NR3C1: variants seen among roughly 807,000 people sequenced by gnomAD.
The protein encoded by NR3C1 is glucocorticoid receptor.
A neutral mutation model predicts 74.0 loss-of-function variants in NR3C1; 14 were observed. The observed-to-expected ratio is 0.19, with a 90% CI of 0.12 to 0.30. The LOEUF is 0.30. NR3C1 is among the 10% of genes least tolerant of loss of function. The probability of loss-of-function intolerance (pLI) is 1.00; values close to 1 mark genes in which losing one functional copy is unlikely to be tolerated. For missense variants in NR3C1, 695 were observed against 909.8 expected, an observed-to-expected ratio of 0.76 and a Z score of 3.04; for synonymous variants, 308 against 332.5, an observed-to-expected ratio of 0.93 and a Z score of 0.80.
chr5:143,340,474 T>G (rs1232964363), intron 2 of NR3C1, among the ~76,000 whole-genome samples: 1 of 130,360 alleles, frequency 7.7e-6, no homozygotes, highest in East Asian at 2.4e-4. Context: ...TCTTTAAAGA[T>G]GATTTTTTTT....
chr5:143,404,607 C>A, upstream of NR3C1: 1 of 775,530 alleles, frequency 1.3e-6, no homozygotes, highest in Non-Finnish European at 1.6e-6. Context: ...CCCTCCCGCC[C>A]AATGTGCTCA....
chr5:143,382,924 G>A (rs529829108), intron 2 of NR3C1, among the ~76,000 whole-genome samples: 1 of 152,302 alleles, frequency 6.6e-6, no homozygotes, highest in South Asian at 2.1e-4. Context: ...AGGCTAGTTT[G>A]GGAAACAAGT....
chr5:143,317,592 C>G (rs1239176871), intron 2 of NR3C1, among the ~76,000 whole-genome samples: 1 of 152,044 alleles, frequency 6.6e-6, no homozygotes, highest in Non-Finnish European at 1.5e-5. Context: ...CCGAATAATT[C>G]CTGAGGCTGA....
At chr5:143,402,659 C>T (rs1600634594) in intron 1 of NR3C1, 3 of 985,416 alleles carry the variant, frequency 3.0e-6, no homozygotes, top group East Asian at 1.1e-4. Flanking sequence ...GCCCCGGCCG[C>T]AGTCTCCAAG....
rs10482637 is a variant in NR3C1, at chr5:143,357,700, T to C, written c.1184+41956A>G. Among the ~76,000 whole-genome samples the C allele has an allele frequency of 3.2e-3, 486 of 152,346 alleles. 3 individuals carry two copies. Among genetic ancestry groups the C allele is most frequent in the African/African-American group, 0.011 (451 of 41,584 alleles). On this transcript the variant is annotated intron_variant, in intron 2 of 8. Transcript: ENST00000394464. ...GTTGTGCAAGGTAGTATCTCCAAAA[T>C]AGAATTTCTAACACTCAATAAAAAA...
chr5:143,330,103 TTACTGTGGTTC>T (rs1233384830), intron 2 of NR3C1, among the ~76,000 whole-genome samples: 1 of 152,220 alleles, frequency 6.6e-6, no homozygotes, highest in Non-Finnish European at 1.5e-5. Flanking sequence ...TAAGTATAGG[TTACTGTGGTTC>T]ATTTTAGAAC....
At chr5:143,293,731 G>T in intron 7 of NR3C1, 1 of 351,368 alleles carries the variant, frequency 2.8e-6, no homozygotes, top group Non-Finnish European at 4.0e-6. Flanking sequence ...CATAGTAGAA[G>T]TCTATATCTT....
intron 2 of NR3C1, among the ~76,000 whole-genome samples, chr5:143,376,246 G>A (rs1293504206): frequency 6.6e-6 from 1 of 152,234 alleles, no homozygotes; most frequent in Non-Finnish European, 1.5e-5. Flanking sequence ...AAGGAGACTG[G>A]ACCATAGCTT....
intron 2 of NR3C1, among the ~76,000 whole-genome samples, chr5:143,350,542 T>C (rs1256948154): frequency 6.6e-6 from 1 of 152,100 alleles, no homozygotes; most frequent in African/African-American, 2.4e-5. Context: ...TCTGGACATG[T>C]TGTGTTTGAG....
Position 143,399,725 on chromosome 5 carries a change from T to C in NR3C1, c.1115A>G (p.Asp372Gly), listed in dbSNP as rs1012467641. 4.3e-6 allele frequency: 7 copies of C among 1,614,052 alleles called. No homozygotes were observed. The African/African-American group carries it at 9.3e-5, about 22-fold the overall frequency. Residue 372 changes from aspartate to glycine, a missense_variant, in exon 2 of 9, where the codon GAT (aspartate) becomes GGT (glycine). This residue lies in a region of NR3C1 where 497 missense variants were observed against 489.5 expected (regional missense o/e 1.02). Transcript: ENST00000394464. ...ENWNRCQGSGDDNLTSLGTLN... is the reference protein window; with the variant it reads ...ENWNRCQGSGGDNLTSLGTLN... Reference sequence around the variant, plus strand: ...AGTCCCCAGAGAAGTCAAGTTGTCATCTCCAGATCCTTGGCACCTATTCCA... The same window carrying C: ...AGTCCCCAGAGAAGTCAAGTTGTCACCTCCAGATCCTTGGCACCTATTCCA...
Position 143,400,619 on chromosome 5 carries a change from T to C in NR3C1, c.221A>G (p.Gln74Arg), listed in dbSNP as rs764541357. ...DFPKGSVSNA[Q>R]QPDLSKAVSL... is the part of the protein sequence containing the mutation. The stretch of plus-strand genomic sequence containing the variant: ...AACTGCTTTGGACAGATCTGGCTGC[T>C]GCGCATTGCTTACTGAGCCTTTTGG... The change falls in exon 2 of 9, where the codon CAG (glutamine) becomes CGG (arginine). Residue 74 changes from glutamine to arginine, a missense_variant. Gln to Arg is a conservative substitution (Grantham distance 43). Coordinates refer to ENST00000394464, the MANE Select transcript of NR3C1 (RefSeq NM_000176.3). 6.2e-6 allele frequency: 10 copies of C among 1,614,246 alleles called. No individual in the cohort carries two copies. In the East Asian group the frequency reaches 2.2e-4, roughly 36 times the overall value.
At chr5:143,292,972 A>G (rs1816285827) in intron 7 of NR3C1, among the ~76,000 whole-genome samples, 1 of 152,138 alleles carries the variant, frequency 6.6e-6, no homozygotes, top group African/African-American at 2.4e-5. Flanking sequence ...GATTTTCAGT[A>G]CCTACAGATT....
chr5:143,430,402 T>C (rs1400435192), intron 1 of NR3C1, among the ~76,000 whole-genome samples: 4 of 152,260 alleles, frequency 2.6e-5, no homozygotes, highest in Non-Finnish European at 5.9e-5. Flanking sequence ...ACTTTTTTAC[T>C]TTCTCCAGTG....
At chr5:143,426,792 G>A (rs1289644188) in intron 1 of NR3C1, among the ~76,000 whole-genome samples, 1 of 152,222 alleles carries the variant, frequency 6.6e-6, no homozygotes, top group Non-Finnish European at 1.5e-5. Flanking sequence ...TTCTTGTGAT[G>A]CACAGAACAG....
rs1369272559 is a variant in NR3C1 at position 143,314,252 on chromosome 5, C to G, written c.1185-84G>C. ...TTCTCTTAGCTTCTCACTTCATAGT[C>G]AGAATGCTCACAGTGAACTCTGGCT... is the stretch of plus-strand genomic sequence containing the variant. On this transcript the variant is annotated intron_variant, in intron 2 of 8. Coordinates refer to ENST00000394464, the MANE Select transcript of NR3C1 (RefSeq NM_000176.3). 2.1e-6 allele frequency: 3 copies of G among 1,413,052 alleles called. No homozygotes were observed. In the East Asian group the frequency reaches 7.2e-5, roughly 34 times the overall value. 87.5% of individuals were successfully genotyped at this position (1,413,052 alleles called of 1,614,324 possible).
chr5:143,435,038 G>A (rs567349086), exon 1 of NR3C1: 2 of 985,222 alleles, frequency 2.0e-6, no homozygotes, highest in Admixed American at 6.2e-5. Flanking sequence ...CACTGATTCA[G>A]CAGATATTCC....
At chr5:143,434,222 G>A (rs981350677) in intron 1 of NR3C1, among the ~76,000 whole-genome samples, 1 of 152,044 alleles carries the variant, frequency 6.6e-6, no homozygotes, top group Non-Finnish European at 1.5e-5. Flanking sequence ...GCGTTGTCTC[G>A]TTCTCCTTTC....
Position 143,300,242 on chromosome 5 carries a change from A to G in NR3C1, c.1747+243T>C, listed in dbSNP as rs931500333. Among the ~76,000 whole-genome samples, 1 of 152,182 alleles carries G rather than the reference A, an allele frequency of 6.6e-6. No individual in the cohort carries two copies. Among genetic ancestry groups the G allele is most frequent in the Admixed American group, 6.5e-5 (1 of 15,288 alleles). On this transcript the variant is annotated intron_variant, in intron 5 of 8. Transcript: ENST00000394464. This position sits in a 1 kb window ranked among gnomAD's most constrained non-coding sequence, Gnocchi z 5.2. The stretch of plus-strand genomic sequence containing the variant: ...AGTGAGTCTTGTAACTTGAATTCTG[A>G]TATTACATCATCCTATGTGAAATTA...
chr5:143,353,954 G>GA (rs1222029869), intron 2 of NR3C1, among the ~76,000 whole-genome samples: 3 of 152,194 alleles, frequency 2.0e-5, no homozygotes, highest in African/African-American at 7.2e-5. Context: ...CATCTACATG[G>GA]AAAATCTATT....
Sources: gnomAD v4.1 joint callset for allele counts (sites outside exome capture counted in the v4.1 genomes callset) on GRCh38, gnomAD v4.1.1 for gene constraint, gnomAD v4.1.1 regional missense constraint, Gnocchi (gnomAD v3.1) non-coding constraint, MANE v1.5 for transcripts, NCBI Gene and HGNC (gene_info 2026-07-23, HGNC 2026-07-21) for gene names.